Variants in LHFPL3 observed in about 807,000 individuals in gnomAD.
LHFPL3 encodes LHFPL tetraspan subfamily member 3 protein.
LHFPL3 carries 5 observed loss-of-function variants against 19.3 expected under a neutral mutation model. The ratio of observed to expected loss-of-function variants is 0.26; its 90% CI spans 0.14 to 0.54. The LOEUF (loss-of-function observed/expected upper bound fraction) is 0.54. LHFPL3 is among the 20% of genes least tolerant of loss of function. The pLI is 0.94. For synonymous variants in LHFPL3, 133 were observed against 126.2 expected (o/e 1.05, Z -0.36); for missense variants, 249 against 307.4 (o/e 0.81, Z 1.42).
intron 1 of LHFPL3, among the ~76,000 whole-genome samples, chr7:104,583,440 A>G (rs1790502273): frequency 6.6e-6 from 1 of 152,218 alleles, no homozygotes; most frequent in Admixed American, 6.5e-5. Context: ...CAATCGCAAC[A>G]AAAGCCAAAA....
intron 1 of LHFPL3, among the ~76,000 whole-genome samples, chr7:104,614,658 T>C (rs1791286030): frequency 2.5e-5 from 1 of 39,812 alleles, no homozygotes; most frequent in South Asian, 1.3e-3. Flanking sequence ...CTTCTCTCCT[T>C]CCTTCCTTCC....
chr7:104,353,763 C>T (rs144079943), intron 1 of LHFPL3, among the ~76,000 whole-genome samples: 5 of 152,280 alleles, frequency 3.3e-5, no homozygotes, highest in African/African-American at 1.2e-4. Flanking sequence ...CAGTGTAGTT[C>T]TGGGCACTTT....
At chr7:104,734,427 C>A (rs373387656) in intron 1 of LHFPL3, among the ~76,000 whole-genome samples, 4 of 152,100 alleles carry the variant, frequency 2.6e-5, no homozygotes, top group African/African-American at 9.7e-5. Flanking sequence ...TCTTTTTATT[C>A]TTTTTTCTCT....
intron 1 of LHFPL3, among the ~76,000 whole-genome samples, chr7:104,631,632 A>C (rs1562954287): frequency 6.6e-6 from 1 of 152,202 alleles, no homozygotes; most frequent in Non-Finnish European, 1.5e-5. Context: ...GTTCAGAACA[A>C]GGAATATGTT....
At chr7:104,333,170 A>T (rs1055887533) in intron 1 of LHFPL3, among the ~76,000 whole-genome samples, 2 of 152,232 alleles carry the variant, frequency 1.3e-5, no homozygotes, top group Non-Finnish European at 2.9e-5. Context: ...ACATTTTATA[A>T]ACCACACTTT....
chr7:104,357,283 C>T (rs150877021), intron 1 of LHFPL3, among the ~76,000 whole-genome samples: 40 of 152,280 alleles, frequency 2.6e-4, no homozygotes, highest in African/African-American at 8.7e-4. Flanking sequence ...TAGAGATCAC[C>T]TTTGCTTCCT....
intron 1 of LHFPL3, among the ~76,000 whole-genome samples, chr7:104,469,092 G>T (rs1792854074): frequency 6.6e-6 from 1 of 152,144 alleles, no homozygotes; most frequent in Non-Finnish European, 1.5e-5. Context: ...TTTGCCCAGT[G>T]GACATATGGA....
intron 1 of LHFPL3, among the ~76,000 whole-genome samples, chr7:104,456,707 T>G (rs6952537): frequency 0.53 from 80,773 of 151,974 alleles, 23,041 homozygotes; most frequent in Non-Finnish European, 0.63. Flanking sequence ...GTGCCCTAAA[T>G]AAGAAAAATA....
At chr7:104,488,529 G>GTCTC (rs151004429) in intron 1 of LHFPL3, among the ~76,000 whole-genome samples, 3 of 150,756 alleles carry the variant, frequency 2.0e-5, no homozygotes, top group South Asian at 2.1e-4. Flanking sequence ...TGTATAATCT[G>GTCTC]TCTCTCTCTC....
chr7:104,603,054 T>C (rs1791000604), intron 1 of LHFPL3, among the ~76,000 whole-genome samples: 3 of 144,108 alleles, frequency 2.1e-5, no homozygotes, highest in Admixed American at 1.4e-4. Context: ...TTTCTTTTTT[T>C]TCTTTCTTTC....
At chr7:104,391,200 T>A (rs1215222188) in intron 1 of LHFPL3, among the ~76,000 whole-genome samples, 1 of 152,222 alleles carries the variant, frequency 6.6e-6, no homozygotes, top group Non-Finnish European at 1.5e-5. Flanking sequence ...TAGATCCCAT[T>A]TGTCAATTTT....
At chr7:104,493,917 A>G (rs1793407634) in intron 1 of LHFPL3, among the ~76,000 whole-genome samples, 1 of 152,212 alleles carries the variant, frequency 6.6e-6, no homozygotes, top group South Asian at 2.1e-4. Flanking sequence ...GATGTGCAGT[A>G]AGTGTAAAAA....
chr7:104,596,141 T>G (rs1790853250), intron 1 of LHFPL3, among the ~76,000 whole-genome samples: 1 of 152,270 alleles, frequency 6.6e-6, no homozygotes, highest in Non-Finnish European at 1.5e-5. Context: ...GTCTTCCATG[T>G]TGATCACACT....
At chr7:104,882,609 T>C (rs1293924976) in intron 2 of LHFPL3, among the ~76,000 whole-genome samples, 1 of 152,066 alleles carries the variant, frequency 6.6e-6, no homozygotes, top group Non-Finnish European at 1.5e-5. Context: ...ACAGAAAGTA[T>C]CTTAGTGGTA....
chr7:104,469,934 A>T (rs1792874396), intron 1 of LHFPL3: 15 of 453,602 alleles, frequency 3.3e-5, no homozygotes, highest in South Asian at 2.2e-4. Context: ...GAGCACAGTT[A>T]TAGCACAATC....
chr7:104,497,147 G>A (rs769292272), intron 1 of LHFPL3, among the ~76,000 whole-genome samples: 27 of 150,546 alleles, frequency 1.8e-4, no homozygotes, highest in Non-Finnish European at 2.8e-4. Flanking sequence ...TCATACTATC[G>A]TTCTCGAGTT....
intron 2 of LHFPL3, among the ~76,000 whole-genome samples, chr7:104,883,992 G>A (rs2116690811): frequency 6.6e-6 from 1 of 152,250 alleles, no homozygotes; most frequent in East Asian, 1.9e-4. Flanking sequence ...GGGGCGTGTG[G>A]ATATGGAATC....
intron 1 of LHFPL3, among the ~76,000 whole-genome samples, chr7:104,416,992 A>T (rs1198818004): frequency 6.6e-6 from 1 of 152,228 alleles, no homozygotes; most frequent in Non-Finnish European, 1.5e-5. Context: ...ATGCAGACAG[A>T]TACCTGGTGG....
At chr7:104,429,466 C>G (rs10248062) in intron 1 of LHFPL3, among the ~76,000 whole-genome samples, 30,436 of 150,258 alleles carry the variant, frequency 0.2, 3,485 homozygotes, top group Admixed American at 0.33. Context: ...CACAACTATG[C>G]CAGGCTATTT....
Sources: allele counts gnomAD v4.1 joint callset (sites outside exome capture counted in the v4.1 genomes callset), GRCh38; gene constraint gnomAD v4.1.1; transcripts MANE v1.5; gene names NCBI Gene and HGNC (gene_info 2026-07-23, HGNC 2026-07-21).